MS4A18: variants seen among roughly 807,000 people sequenced by gnomAD.
The protein encoded by MS4A18 is membrane-spanning 4-domains subfamily A member 18.
MS4A18 carries 27 observed loss-of-function variants against 13.1 expected under a neutral mutation model. The ratio of observed to expected loss-of-function variants is 2.06; its 90% CI spans 1.52 to 2.84. The LOEUF is 2.84. Among genes scored for constraint, MS4A18 ranks in the 30% most tolerant of loss-of-function variants. The pLI is 0.00. For missense variants in MS4A18, 307 were observed against 196.4 expected (o/e 1.56, Z -3.37); for synonymous variants, 126 against 76.5 (o/e 1.65, Z -3.38).
chr11:60,730,429 C>T (rs1048466403), intron 1 of MS4A18, among the ~76,000 whole-genome samples: 2 of 152,218 alleles, frequency 1.3e-5, no homozygotes, highest in African/African-American at 4.8e-5. Context: ...TCTATGCACT[C>T]ATCCATTCAA....
intron 1 of MS4A18, 25 bp from the exon 3 acceptor site, chr11:60,733,509 T>G (rs577246373): frequency 5.8e-5 from 41 of 703,168 alleles, no homozygotes; most frequent in Non-Finnish European, 1.0e-4. Context: ...TTCTGCTCTC[T>G]CACAGTGACT....
chr11:60,739,009 A>T lies in MS4A18; in HGVS notation c.744+12A>T. 1.4e-6 allele frequency: 1 copy of T among 702,892 alleles called. No individual in the cohort carries two copies. Among genetic ancestry groups the T allele is most frequent in the Non-Finnish European group, 2.6e-6 (1 of 384,958 alleles). 43.5% of individuals were successfully genotyped at this position (702,892 alleles called of 1,614,324 possible). On this transcript the variant is annotated intron_variant, in intron 4 of 5. Coordinates refer to ENST00000529108, the Ensembl canonical transcript of MS4A18. ...TTTACTATGTGACGGTGAGCATCTG[A>T]CTGCCAGGGCCCCGTGCTGCCAAAG...
chr11:60,742,609 G>C (rs1036781184), intron 5 of MS4A18, among the ~76,000 whole-genome samples: 1 of 152,158 alleles, frequency 6.6e-6, no homozygotes, highest in Admixed American at 6.5e-5. Flanking sequence ...GCCTTTCAAA[G>C]GTCTTAACAA....
upstream of MS4A18, among the ~76,000 whole-genome samples, chr11:60,727,383 G>A (rs1171019996): frequency 2.6e-5 from 4 of 152,178 alleles, no homozygotes; most frequent in African/African-American, 9.7e-5. Context: ...GCTCAAGGTC[G>A]TACAACTAAT....
chr11:60,727,526 T>A (rs144131826), upstream of MS4A18, among the ~76,000 whole-genome samples: 46 of 152,330 alleles, frequency 3.0e-4, no homozygotes, highest in East Asian at 8.9e-3. Flanking sequence ...AAACTCAAAA[T>A]GTCCATTGAC....
At chr11:60,735,763 A>G (rs1853330124) in intron 2 of MS4A18, among the ~76,000 whole-genome samples, 1 of 143,634 alleles carries the variant, frequency 7.0e-6, no homozygotes, top group Non-Finnish European at 1.5e-5. Flanking sequence ...TCCTAGGTTC[A>G]AGCGATTGTC....
chr11:60,734,193 C>G (rs1208325400), intron 2 of MS4A18, among the ~76,000 whole-genome samples: 1 of 152,028 alleles, frequency 6.6e-6, no homozygotes, highest in Non-Finnish European at 1.5e-5. Context: ...GAGGTGGAGG[C>G]TTCAGTGAGC....
At chr11:60,730,971 GT>G (rs1348002498) in intron 1 of MS4A18, among the ~76,000 whole-genome samples, 3 of 152,298 alleles carry the variant, frequency 2.0e-5, no homozygotes, top group South Asian at 2.1e-4. Flanking sequence ...GCGGGTGCCT[GT>G]AGTCCCAGCT....
chr11:60,744,166 G>T, exon 6 of MS4A18: 1 of 577,282 alleles, frequency 1.7e-6, no homozygotes, highest in South Asian at 2.3e-5. Flanking sequence ...CTTCATTTTT[G>T]TTTGTTATTG....
upstream of MS4A18, among the ~76,000 whole-genome samples, chr11:60,725,801 C>G (rs1309557118): frequency 6.6e-6 from 1 of 152,134 alleles, no homozygotes; most frequent in African/African-American, 2.4e-5. Flanking sequence ...CTCTCTGAGC[C>G]TCAGAGAGTT....
In MS4A18 at chr11:60,735,699, T is replaced by C. The variant is rs530717011; in HGVS notation, c.592-1279T>C. On this transcript the variant is annotated intron_variant, in intron 2 of 5. Coordinates refer to ENST00000529108, the Ensembl canonical transcript of MS4A18. ...TTTTTTTTTTGAGACGGAGTCACTC[T>C]GTCACCCAGGCTGAGACACAGTGGC... Among the ~76,000 whole-genome samples, 7 of 137,028 alleles carry C rather than the reference T, an allele frequency of 5.1e-5. No homozygotes were observed. The South Asian group carries it at 1.8e-3, about 35-fold the overall frequency. The allele number at this position is 137,028 out of a possible 152,430, so 89.9% of individuals were successfully genotyped here. A position where few individuals can be genotyped will look rare whatever the true frequency, so the allele number is the denominator to read the frequency against.
exon 4 of MS4A18, chr11:60,738,910 C>A: frequency 1.4e-6 from 1 of 703,362 alleles, no homozygotes. Context: ...AGGTGAACAG[C>A]AGCATCAGCT....
chr11:60,733,644 A>G (rs941683435), exon 2 of MS4A18: 26 of 703,488 alleles, frequency 3.7e-5, no homozygotes, highest in Admixed American at 2.0e-4. Context: ...GGGGAGGATT[A>G]TCCGTGAGTA....
chr11:60,737,081 A>T, intron 3 of MS4A18, 47 bp downstream of exon 4: 1 of 694,720 alleles, frequency 1.4e-6, no homozygotes, highest in Admixed American at 2.1e-5. Context: ...TTAGAATTTG[A>T]CTCTCTACCA....
At chr11:60,732,159 G>T (rs1174802911) in intron 1 of MS4A18, among the ~76,000 whole-genome samples, 9 of 152,092 alleles carry the variant, frequency 5.9e-5, no homozygotes, top group Non-Finnish European at 5.9e-5. Context: ...AATGAGAGGG[G>T]ATTCATCCTG....
At chr11:60,737,616 A>G (rs2134679364) in intron 3 of MS4A18, among the ~76,000 whole-genome samples, 1 of 152,344 alleles carries the variant, frequency 6.6e-6, no homozygotes, top group South Asian at 2.1e-4. Context: ...CTGTCTCAGC[A>G]TCCAGCAAAG....
At chr11:60,744,055 T>G in exon 6 of MS4A18, 1 of 656,806 alleles carries the variant, frequency 1.5e-6, no homozygotes, top group East Asian at 2.7e-5. Flanking sequence ...GGATACACTG[T>G]AGCTGTATCT....
chr11:60,733,827 CCCA>C, intron 2 of MS4A18, among the ~76,000 whole-genome samples, 180 bp downstream of exon 3: 1 of 151,040 alleles, frequency 6.6e-6, no homozygotes, highest in Admixed American at 6.6e-5. Flanking sequence ...AACACTCCCT[CCCA>C]CCACCACCCT....
At chr11:60,729,764 A>G (rs1480015129) in exon 1 of MS4A18, 1 of 701,332 alleles carries the variant, frequency 1.4e-6, no homozygotes, top group African/African-American at 1.7e-5. Flanking sequence ...AAATTCATAA[A>G]TGAGGAGGTC....
Sources: gnomAD v4.1 joint callset for allele counts (sites outside exome capture counted in the v4.1 genomes callset) on GRCh38, gnomAD v4.1.1 for gene constraint, MANE v1.5 for transcripts, NCBI Gene and HGNC (gene_info 2026-07-23, HGNC 2026-07-21) for gene names.